The following KCNQ5 variants were observed in gnomAD, a reference collection of about 807,000 sequenced individuals.
KCNQ5 encodes potassium voltage-gated channel subfamily KQT member 5.
KCNQ5 carries 30 observed loss-of-function variants against 98.2 expected under a neutral mutation model. The observed-to-expected ratio is 0.31, with a 90% CI of 0.23 to 0.41. The LOEUF (loss-of-function observed/expected upper bound fraction) is 0.41, where lower values mean the gene tolerates loss of function less well. KCNQ5 is among the 10% of genes least tolerant of loss of function. KCNQ5 has a pLI of 1.00. For missense variants in KCNQ5, 835 were observed against 1,182.5 expected (o/e 0.71, Z 4.31); for synonymous variants, 458 against 449.4 (o/e 1.02, Z -0.24).
intron 2 of KCNQ5, 24 bp downstream of exon 2, chr6:73,004,022 G>A (rs760085419): frequency 4.1e-5 from 54 of 1,330,108 alleles, no homozygotes; most frequent in Non-Finnish European, 5.4e-5. Context: ...GAACAAGAAC[G>A]TACATGAATG....
chr6:72,944,432 T>C (rs2150245249), intron 1 of KCNQ5, among the ~76,000 whole-genome samples: 1 of 152,330 alleles, frequency 6.6e-6, no homozygotes, highest in Middle Eastern at 3.4e-3. Flanking sequence ...ATTGAGCACC[T>C]ACTACATGCC....
intron 1 of KCNQ5, among the ~76,000 whole-genome samples, chr6:72,702,262 AG>A (rs1487854869): frequency 7.2e-5 from 11 of 152,230 alleles, no homozygotes; most frequent in Admixed American, 5.2e-4. Flanking sequence ...TATGAGTGTG[AG>A]GTTGAGCAAA....
At chr6:72,895,942 G>T (rs969737136) in intron 1 of KCNQ5, among the ~76,000 whole-genome samples, 3 of 151,900 alleles carry the variant, frequency 2.0e-5, no homozygotes, top group Admixed American at 6.6e-5. Flanking sequence ...TTACTAGATG[G>T]ATTGGACAAA....
At chr6:73,149,733 G>A (rs1432886281) in intron 10 of KCNQ5, among the ~76,000 whole-genome samples, 1 of 151,548 alleles carries the variant, frequency 6.6e-6, no homozygotes, top group African/African-American at 2.4e-5. Context: ...GCAGGCGGAG[G>A]CTGCAGTGAG....
chr6:72,956,996 C>G (rs555490524), intron 1 of KCNQ5, among the ~76,000 whole-genome samples: 7 of 151,950 alleles, frequency 4.6e-5, no homozygotes, highest in African/African-American at 1.7e-4. Context: ...GTGTTCAGGC[C>G]CGTTGCATTA....
chr6:73,088,408 T>C (rs1774082145), intron 5 of KCNQ5, among the ~76,000 whole-genome samples: 1 of 152,236 alleles, frequency 6.6e-6, no homozygotes, highest in South Asian at 2.1e-4. Context: ...TTTCCATTTA[T>C]ATAACCCTTT....
chr6:72,862,297 TA>T (rs1777798088), intron 1 of KCNQ5, among the ~76,000 whole-genome samples: 1 of 152,160 alleles, frequency 6.6e-6, no homozygotes, highest in Non-Finnish European at 1.5e-5. Context: ...GAGGAGGCCA[TA>T]AATGTCATGT....
Position 72,704,709 on chromosome 6 carries a change from G to A in KCNQ5, c.398+82122G>A, listed in dbSNP as rs1277753739. Among the ~76,000 whole-genome samples, 3 of 151,748 alleles carry A rather than the reference G, an allele frequency of 2.0e-5. No homozygotes were observed. In the East Asian group the frequency reaches 5.8e-4, roughly 29 times the overall value. ...TGCTTAGAATTACCTTTTAAAACATGGAATGTTACTATCTGATCTTTATGT... is the reference window on the plus strand; with the variant it reads ...TGCTTAGAATTACCTTTTAAAACATAGAATGTTACTATCTGATCTTTATGT... On this transcript the variant is annotated intron_variant, in intron 1 of 13. Transcript: ENST00000370398.
intron 1 of KCNQ5, among the ~76,000 whole-genome samples, chr6:72,629,005 A>C (rs1406065683): frequency 6.6e-6 from 1 of 152,020 alleles, no homozygotes; most frequent in East Asian, 1.9e-4. Context: ...CCTCAACCCC[A>C]ATTCTTTAAA....
chr6:72,753,870 T>C (rs1222019071), intron 1 of KCNQ5, among the ~76,000 whole-genome samples: 1 of 152,174 alleles, frequency 6.6e-6, no homozygotes, highest in East Asian at 1.9e-4. Flanking sequence ...ATATTTTCTC[T>C]AAGTCTATGA....
At chr6:73,090,423 C>A (rs985971338) in intron 5 of KCNQ5, among the ~76,000 whole-genome samples, 1 of 152,074 alleles carries the variant, frequency 6.6e-6, no homozygotes, top group Non-Finnish European at 1.5e-5. Context: ...AATTAAGTAC[C>A]AGCAATTTAT....
intron 1 of KCNQ5, among the ~76,000 whole-genome samples, chr6:72,960,360 G>T (rs571545720): frequency 6.0e-5 from 9 of 148,854 alleles, no homozygotes; most frequent in Admixed American, 5.3e-4. Context: ...ATATTTAAGT[G>T]TTTCCCTCAA....
intron 11 of KCNQ5, among the ~76,000 whole-genome samples, chr6:73,176,036 A>G (rs1290840949): frequency 6.6e-6 from 1 of 152,216 alleles, no homozygotes; most frequent in African/African-American, 2.4e-5. Flanking sequence ...GTGGAGGACA[A>G]GGATGAGGAG....
At chr6:73,174,163 C>G (rs1778122835) in intron 11 of KCNQ5, among the ~76,000 whole-genome samples, 1 of 151,396 alleles carries the variant, frequency 6.6e-6, no homozygotes, top group Non-Finnish European at 1.5e-5. Context: ...AGTTTCTAAG[C>G]ACTAATCTCT....
chr6:72,761,021 C>G (rs138950560), intron 1 of KCNQ5, among the ~76,000 whole-genome samples: 2 of 152,002 alleles, frequency 1.3e-5, no homozygotes, highest in Admixed American at 6.6e-5. Context: ...TACATTTTCT[C>G]ATTTTGGGTG....
intron 1 of KCNQ5, among the ~76,000 whole-genome samples, chr6:72,967,265 A>G (rs985303736): frequency 6.6e-6 from 1 of 152,184 alleles, no homozygotes; most frequent in Non-Finnish European, 1.5e-5. Context: ...CAAATTTTTC[A>G]TATTCTCACT....
At chr6:73,143,448 A>ACCGAGAAAAGTG (rs2150471956) in intron 10 of KCNQ5, 1 of 152,278 alleles carries the variant, frequency 6.6e-6, no homozygotes, top group Admixed American at 6.5e-5. Flanking sequence ...TCTCTTTGAT[A>ACCGAGAAAAGTG]CCGAGAAAAG....
At chr6:73,053,273 A>AT (rs1466722510) in intron 3 of KCNQ5, among the ~76,000 whole-genome samples, 1 of 152,216 alleles carries the variant, frequency 6.6e-6, no homozygotes, top group East Asian at 1.9e-4. Context: ...CCACAAAGAG[A>AT]TTTAGATAAC....
chr6:73,182,647 A>G (rs1778442250), intron 11 of KCNQ5, among the ~76,000 whole-genome samples: 1 of 152,098 alleles, frequency 6.6e-6, no homozygotes, highest in African/African-American at 2.4e-5. Flanking sequence ...ATTTTCCTCA[A>G]TTTTCAGCAC....
Sources: gnomAD v4.1 joint callset for allele counts (sites outside exome capture counted in the v4.1 genomes callset) on GRCh38, gnomAD v4.1.1 for gene constraint, MANE v1.5 for transcripts, NCBI Gene and HGNC (gene_info 2026-07-23, HGNC 2026-07-21) for gene names.